The following WFDC1 variants were observed in gnomAD, a reference collection of about 807,000 sequenced individuals.
WFDC1 encodes WAP four-disulfide core domain 1, also known as WAP four-disulfide core domain protein 1.
In WFDC1, 39 loss-of-function variants were observed where a neutral mutation model predicts 32.9. The observed-to-expected ratio is 1.19, with a 90% CI of 0.92 to 1.55. The LOEUF (loss-of-function observed/expected upper bound fraction) is 1.55, where lower values mean the gene tolerates loss of function less well. WFDC1 is among the 40% of genes most tolerant of loss of function. WFDC1 has a pLI of 0.00. For synonymous variants in WFDC1, 184 were observed against 137.4 expected, an observed-to-expected ratio of 1.34 and a Z score of -2.37; for missense variants, 386 against 309.5, an observed-to-expected ratio of 1.25 and a Z score of -1.85.
At chr16:84,326,817 G>A in intron 5 of WFDC1, 65 bp from the exon 6 acceptor site, 1 of 1,597,480 alleles carries the variant, frequency 6.3e-7, no homozygotes, top group Middle Eastern at 1.7e-4. Context: ...TTCCTGGTGA[G>A]CCACGGGGGG....
intron 2 of WFDC1, among the ~76,000 whole-genome samples, chr16:84,315,464 A>G (rs1236313386): frequency 1.3e-5 from 2 of 152,190 alleles, no homozygotes; most frequent in East Asian, 3.8e-4. Context: ...GGCATATAAT[A>G]CTCAATAAAT....
intron 2 of WFDC1, chr16:84,316,575 C>A (rs1356311182): frequency 6.6e-6 from 1 of 152,000 alleles, no homozygotes; most frequent in African/African-American, 2.4e-5. Context: ...GCCTGGGCAA[C>A]ATAGGGAGAC....
chr16:84,301,660 GA>G (rs1435225080), intron 1 of WFDC1, among the ~76,000 whole-genome samples: 1 of 152,150 alleles, frequency 6.6e-6, no homozygotes, highest in Non-Finnish European at 1.5e-5. Flanking sequence ...GGAGAGAGGG[GA>G]TATGTCGTAC....
chr16:84,307,038 G>C (rs893548459), intron 1 of WFDC1, among the ~76,000 whole-genome samples: 1 of 152,284 alleles, frequency 6.6e-6, no homozygotes, highest in South Asian at 2.1e-4. Flanking sequence ...GAGCCGGGCA[G>C]ATATGGTGGG....
chr16:84,310,125 G>A (rs966786886), intron 1 of WFDC1, among the ~76,000 whole-genome samples: 3 of 151,930 alleles, frequency 2.0e-5, no homozygotes, highest in East Asian at 1.9e-4. Context: ...TGAAGGGGTC[G>A]CTCACTGGTT....
intron 4 of WFDC1, among the ~76,000 whole-genome samples, chr16:84,322,688 C>T (rs1293897838): frequency 6.6e-6 from 1 of 152,216 alleles, no homozygotes; most frequent in Non-Finnish European, 1.5e-5. Context: ...TCAAGTTTGA[C>T]CATCCAGCAC....
In WFDC1 at chr16:84,319,217, T is replaced by G. The variant is rs796322576; in HGVS notation, c.422-214T>G. ...GGATCAGGTGAGCTTGGACTGCCTG[T>G]GTTTGTGTGCGTGTTTGTGGGTGTG... On this transcript the variant is annotated intron_variant, in intron 3 of 6. Transcript: ENST00000219454. 7 of 580,712 alleles carry G rather than the reference T, an allele frequency of 1.2e-5. No homozygotes were observed. In the African/African-American group the frequency reaches 1.3e-4, roughly 11 times the overall value. The allele number at this position is 580,712 out of a possible 1,614,324, so 36.0% of individuals were successfully genotyped here. A position where few individuals can be genotyped will look rare whatever the true frequency, so the allele number is the denominator to read the frequency against.
chr16:84,303,255 C>T (rs558392952), intron 1 of WFDC1, among the ~76,000 whole-genome samples: 2 of 152,196 alleles, frequency 1.3e-5, no homozygotes, highest in South Asian at 4.1e-4. Flanking sequence ...TCCTCCACCA[C>T]GCAAACCAGT....
At chr16:84,313,662 C>T (rs1416705324) in intron 2 of WFDC1, among the ~76,000 whole-genome samples, 1 of 152,312 alleles carries the variant, frequency 6.6e-6, no homozygotes, top group South Asian at 2.1e-4. Flanking sequence ...CCACCAGGCC[C>T]GCCACACTTC....
At chr16:84,306,721 GGGT>G (rs1907281603) in intron 1 of WFDC1, among the ~76,000 whole-genome samples, 1 of 147,192 alleles carries the variant, frequency 6.8e-6, no homozygotes. Flanking sequence ...GCACTTAGAA[GGGT>G]GCCCAGCAAA....
intron 1 of WFDC1, among the ~76,000 whole-genome samples, chr16:84,305,252 T>C (rs1325477241): frequency 6.6e-6 from 1 of 152,216 alleles, no homozygotes; most frequent in Non-Finnish European, 1.5e-5. Context: ...CTAAGCCTGG[T>C]GTCTGTGTAT....
rs1363195124 is a variant in WFDC1, at chr16:84,329,627, G to C, written c.*321G>C. 2.0e-5 allele frequency: 3 copies of C among 152,148 alleles called. No individual in the cohort carries two copies. Among genetic ancestry groups the C allele is most frequent in the Non-Finnish European group, 4.4e-5 (3 of 68,040 alleles). 9.4% of individuals were successfully genotyped at this position (152,148 alleles called of 1,614,324 possible). On this transcript the variant is annotated 3_prime_UTR_variant, in exon 7 of 7. Coordinates refer to ENST00000219454, the MANE Select transcript of WFDC1 (RefSeq NM_021197.4). ...TTTCTGAAGCCCCTTTCTAAGACAA[G>C]GCTCAGCATCTTGATATTTTTGACA...
rs3785040 is a variant in WFDC1 at position 84,304,440 on chromosome 16, C to A, written c.145-8521C>A. Among the ~76,000 whole-genome samples, 464 of 152,266 alleles carry A rather than the reference C, an allele frequency of 3.0e-3. 14 individuals carry two copies. The East Asian group carries it at 0.068, about 22-fold the overall frequency. ...GACGGGTTTCACCATATTGGCCAGG[C>A]TGGTCTCGAACTCCTGACCTCAGGT... On this transcript the variant is annotated intron_variant, in intron 1 of 6. Transcript: ENST00000219454.
Position 84,326,877 on chromosome 16 carries a change from C to T in WFDC1, c.605-5C>T. The T allele has an allele frequency of 6.2e-7, 1 of 1,614,036 alleles. No individual in the cohort carries two copies. The highest frequency in any genetic ancestry group is 8.5e-7 in the Non-Finnish European group (1 of 1,180,000). On this transcript the variant is annotated splice_region_variant and splice_polypyrimidine_tract_variant and intron_variant, in intron 5 of 6. Coordinates refer to ENST00000219454, the MANE Select transcript of WFDC1 (RefSeq NM_021197.4). ...TACCCCAACAGAGCTGTGTTCTTTT[C>T]ACAGAAGGTGACTCAAAGAATGTGG...
chr16:84,296,935 C>G (rs866170555), intron 1 of WFDC1: 1 of 152,202 alleles, frequency 6.6e-6, no homozygotes, highest in Non-Finnish European at 1.5e-5. Flanking sequence ...GTGAGAGACT[C>G]TTCTCAGATT....
chr16:84,307,131 GA>G (rs1171511522), intron 1 of WFDC1, among the ~76,000 whole-genome samples: 1 of 152,156 alleles, frequency 6.6e-6, no homozygotes, highest in African/African-American at 2.4e-5. Context: ...AGTGCTGGAA[GA>G]GAGGTCAGAG....
chr16:84,307,390 C>T (rs1207079086), intron 1 of WFDC1, among the ~76,000 whole-genome samples: 1 of 152,186 alleles, frequency 6.6e-6, no homozygotes, highest in African/African-American at 2.4e-5. Flanking sequence ...TCAGTGAAAT[C>T]AGTGCTTTAT....
intron 1 of WFDC1, among the ~76,000 whole-genome samples, chr16:84,296,040 C>G (rs1184212210): frequency 6.6e-6 from 1 of 152,072 alleles, no homozygotes; most frequent in Non-Finnish European, 1.5e-5. Context: ...AGGAAGGGAA[C>G]TAGGAGAGAG....
In WFDC1 at chr16:84,329,799, A is replaced by G. The variant is rs1908815090; in HGVS notation, c.*493A>G. On this transcript the variant is annotated 3_prime_UTR_variant, in exon 7 of 7. Transcript: ENST00000219454. ...CCGGATGTGCTGAGGCCTAAATGTTAGCAGGTGGGAGGAGGCCACAGAACA... is the reference window on the plus strand; with the variant it reads ...CCGGATGTGCTGAGGCCTAAATGTTGGCAGGTGGGAGGAGGCCACAGAACA... The G allele has an allele frequency of 6.6e-6, 1 of 152,252 alleles. No individual in the cohort carries two copies. Among genetic ancestry groups the G allele is most frequent in the African/African-American group, 2.4e-5 (1 of 41,456 alleles). 9.4% of individuals were successfully genotyped at this position (152,252 alleles called of 1,614,324 possible).
Sources: allele counts gnomAD v4.1 joint callset (sites outside exome capture counted in the v4.1 genomes callset), GRCh38; gene constraint gnomAD v4.1.1; transcripts MANE v1.5; gene names NCBI Gene and HGNC (gene_info 2026-07-23, HGNC 2026-07-21).